CNTN4: variants seen among roughly 807,000 people sequenced by gnomAD.
CNTN4 encodes contactin 4.
Under a neutral mutation model 122.5 loss-of-function variants are expected in CNTN4, and 77 were observed. The ratio of observed to expected loss-of-function variants is 0.63; its 90% CI spans 0.52 to 0.76. CNTN4 has a LOEUF of 0.76. Among genes scored for constraint, CNTN4 ranks in the 30% least tolerant of loss-of-function variants. The pLI is 0.00. For missense variants in CNTN4, 1,256 were observed against 1,259.1 expected (o/e 1.00, Z 0.04); for synonymous variants, 512 against 447.0 (o/e 1.15, Z -1.83).
chr3:2,187,951 T>C (rs73098022), intron 2 of CNTN4, among the ~76,000 whole-genome samples: 3,774 of 152,178 alleles, frequency 0.025, 150 homozygotes, highest in African/African-American at 0.087. Context: ...AAGTGCATCC[T>C]ACTTCTGCCA....
chr3:2,935,180 C>T (rs1278685639), intron 13 of CNTN4, among the ~76,000 whole-genome samples: 1 of 152,148 alleles, frequency 6.6e-6, no homozygotes, highest in African/African-American at 2.4e-5. Flanking sequence ...ATGACTAAAT[C>T]CGGTGACTAC....
At chr3:2,196,740 A>G (rs2037850865) in intron 2 of CNTN4, among the ~76,000 whole-genome samples, 1 of 151,966 alleles carries the variant, frequency 6.6e-6, no homozygotes, top group Non-Finnish European at 1.5e-5. Context: ...ATCCATTTCT[A>G]TCCTATGAAA....
intron 4 of CNTN4, among the ~76,000 whole-genome samples, chr3:2,598,674 A>T (rs753533863): frequency 6.6e-6 from 1 of 152,214 alleles, no homozygotes; most frequent in Non-Finnish European, 1.5e-5. Context: ...ATAGAAATTC[A>T]GTAGAATTAG....
At chr3:2,818,954 A>G (rs1474339508) in intron 6 of CNTN4, among the ~76,000 whole-genome samples, 2 of 152,248 alleles carry the variant, frequency 1.3e-5, no homozygotes, top group Non-Finnish European at 2.9e-5. Context: ...AGAGACAAGT[A>G]TAATTATATA....
chr3:2,697,482 A>G (rs116051453), intron 4 of CNTN4, among the ~76,000 whole-genome samples: 63 of 152,226 alleles, frequency 4.1e-4, no homozygotes, highest in African/African-American at 1.5e-3. Flanking sequence ...AGATGTGCCT[A>G]CTCATTACCA....
At chr3:2,991,788 T>A (rs1695073475) in intron 14 of CNTN4, among the ~76,000 whole-genome samples, 1 of 152,164 alleles carries the variant, frequency 6.6e-6, no homozygotes, top group South Asian at 2.1e-4. Context: ...GCACCTTTAG[T>A]GCAAGTGTAA....
At chr3:2,676,851 A>T (rs1453111238) in intron 4 of CNTN4, among the ~76,000 whole-genome samples, 2 of 152,246 alleles carry the variant, frequency 1.3e-5, no homozygotes, top group Non-Finnish European at 2.9e-5. Context: ...AGCATGTATC[A>T]TCCAGCGAAG....
intron 3 of CNTN4, among the ~76,000 whole-genome samples, chr3:2,522,762 C>T (rs1020711865): frequency 6.6e-6 from 1 of 151,854 alleles, no homozygotes; most frequent in African/African-American, 2.4e-5. Flanking sequence ...CCACAGATAA[C>T]ACTTGAGTAA....
Position 2,170,264 on chromosome 3 carries a change from G to A in CNTN4, c.-145+69625G>A, listed in dbSNP as rs184284856. ...GAACCCGGGAGGCGGAGCTTGCAGT[G>A]AGCCGAGATCGCGCCACCGCACTCC... On this transcript the variant is annotated intron_variant, in intron 2 of 24. Transcript: ENST00000418658. Among the ~76,000 whole-genome samples the A allele has an allele frequency of 4.3e-3, 651 of 152,078 alleles. 2 individuals carry two copies. The highest frequency in any genetic ancestry group is 0.02 in the East Asian group (104 of 5,162).
chr3:2,104,119 C>G (rs553430269), intron 2 of CNTN4, among the ~76,000 whole-genome samples: 120 of 152,190 alleles, frequency 7.9e-4, no homozygotes, highest in African/African-American at 2.8e-3. Flanking sequence ...CCAGAAGCCC[C>G]TGTTCATTTC....
chr3:2,364,075 T>C (rs2045272610), intron 3 of CNTN4, among the ~76,000 whole-genome samples: 1 of 152,074 alleles, frequency 6.6e-6, no homozygotes, highest in Non-Finnish European at 1.5e-5. Context: ...AATATTTCAA[T>C]ATGACTCCTT....
intron 3 of CNTN4, among the ~76,000 whole-genome samples, chr3:2,391,250 G>C (rs2046431712): frequency 1.3e-5 from 2 of 152,182 alleles, no homozygotes; most frequent in South Asian, 4.1e-4. Context: ...GAGTGAAACA[G>C]AGTGCATAAT....
intron 3 of CNTN4, among the ~76,000 whole-genome samples, chr3:2,418,055 T>G (rs1212594509): frequency 6.6e-6 from 1 of 152,162 alleles, no homozygotes; most frequent in Non-Finnish European, 1.5e-5. Context: ...ACTATAATGA[T>G]AGATACAGAT....
chr3:2,892,085 A>G (rs1441092372), intron 10 of CNTN4: 1 of 152,226 alleles, frequency 6.6e-6, no homozygotes, highest in Non-Finnish European at 1.5e-5. Flanking sequence ...CAAAGAGATT[A>G]AAGTAATTGA....
At chr3:2,700,743 A>G (rs553895549) in intron 4 of CNTN4, among the ~76,000 whole-genome samples, 1 of 152,266 alleles carries the variant, frequency 6.6e-6, no homozygotes, top group Non-Finnish European at 1.5e-5. Context: ...ACAGTATAGG[A>G]TATTCAATTA....
At chr3:3,033,139 C>T (rs1267739605) in intron 16 of CNTN4, among the ~76,000 whole-genome samples, 1 of 151,924 alleles carries the variant, frequency 6.6e-6, no homozygotes, top group Non-Finnish European at 1.5e-5. Context: ...GTGCAGCATC[C>T]ATTAAAAAAA....
intron 3 of CNTN4, among the ~76,000 whole-genome samples, chr3:2,390,447 A>G (rs2046403798): frequency 6.6e-6 from 1 of 152,186 alleles, no homozygotes; most frequent in African/African-American, 2.4e-5. Flanking sequence ...ATAGCCACAC[A>G]GAAGCAGCTT....
chr3:3,045,116 G>C (rs1700511638), intron 23 of CNTN4, among the ~76,000 whole-genome samples: 1 of 152,230 alleles, frequency 6.6e-6, no homozygotes, highest in Non-Finnish European at 1.5e-5. Context: ...GCTGAGGCTT[G>C]AGTAGGTAAA....
intron 4 of CNTN4, among the ~76,000 whole-genome samples, chr3:2,611,740 G>T (rs188624031): frequency 6.6e-6 from 1 of 152,280 alleles, no homozygotes; most frequent in East Asian, 1.9e-4. Context: ...AAATTTTAAA[G>T]AAGCTGTCTT....
Sources: gnomAD v4.1 joint callset for allele counts (sites outside exome capture counted in the v4.1 genomes callset) on GRCh38, gnomAD v4.1.1 for gene constraint, MANE v1.5 for transcripts, NCBI Gene and HGNC (gene_info 2026-07-23, HGNC 2026-07-21) for gene names.